Variants in FAM221A observed in about 807,000 individuals in gnomAD.
FAM221A encodes protein FAM221A.
FAM221A carries 43 observed loss-of-function variants against 37.6 expected under a neutral mutation model. The ratio of observed to expected loss-of-function variants is 1.15; its 90% CI spans 0.90 to 1.48. The LOEUF is 1.48. FAM221A is among the 40% of genes most tolerant of loss of function. The pLI, the probability that FAM221A is intolerant of heterozygous loss-of-function variation, is 0.00. For missense variants in FAM221A, 361 were observed against 361.5 expected, an observed-to-expected ratio of 1.00 and a Z score of 0.01; for synonymous variants, 135 against 132.9, an observed-to-expected ratio of 1.02 and a Z score of -0.11.
chr7:23,685,303 A>AAAACC (rs1250310967), intron 2 of FAM221A, among the ~76,000 whole-genome samples: 2 of 133,938 alleles, frequency 1.5e-5, no homozygotes, highest in Non-Finnish European at 3.3e-5. Context: ...AAAACAAAAC[A>AAAACC]AAACCCCACA....
rs538471783 is a variant in FAM221A at position 23,684,781 on chromosome 7, T to C, written c.239+109T>C. ...AGAAACATTTAACAATTGTCCTTTA[T>C]ATAGTAGAGTAGAAATTATCAGCTG... On this transcript the variant is annotated intron_variant, in intron 2 of 6. Coordinates refer to ENST00000344962, the MANE Select transcript of FAM221A (RefSeq NM_199136.5). The C allele has an allele frequency of 2.0e-5, 21 of 1,029,092 alleles. No homozygotes were observed. The South Asian group carries it at 3.7e-4, about 18-fold the overall frequency. 63.7% of individuals were successfully genotyped at this position (1,029,092 alleles called of 1,614,324 possible). A position where few individuals can be genotyped will look rare whatever the true frequency, so the allele number is the denominator to read the frequency against.
At chr7:23,685,295 A>T (rs895030747) in intron 2 of FAM221A, among the ~76,000 whole-genome samples, 1 of 111,400 alleles carries the variant, frequency 9.0e-6, no homozygotes, top group East Asian at 3.1e-4. Context: ...AACAAAACAA[A>T]ACAAAACAAA....
chr7:23,689,367 A>G lies in FAM221A; in HGVS notation c.338A>G (p.Tyr113Cys), dbSNP rs1390683060. 14 of 1,609,044 alleles carry G rather than the reference A, an allele frequency of 8.7e-6. No individual in the cohort carries two copies. Among genetic ancestry groups the G allele is most frequent in the African/African-American group, 1.3e-5 (1 of 74,966 alleles). The change falls in exon 3 of 7, where the codon TAT (tyrosine) becomes TGT (cysteine). Residue 113 changes from tyrosine to cysteine, a missense_variant. Transcript: ENST00000344962. ...VTGCQCRAYL[Y>C]VPLNGSQPIR... ...GGCTGCCAGTGCAGGGCTTACCTTT[A>G]TGTCCCCTTGAATGGTAGCCAGCCC...
downstream of FAM221A, chr7:23,702,729 C>G (rs1223390107): frequency 6.6e-6 from 1 of 152,032 alleles, no homozygotes; most frequent in South Asian, 2.1e-4. Context: ...GTTGTGTTGT[C>G]AACCACCCAT....
rs140560989 is a variant in FAM221A at position 23,691,489 on chromosome 7, C to T, written c.530C>T (p.Ala177Val). The T allele has an allele frequency of 4.7e-4, 756 of 1,614,186 alleles. No individual in the cohort carries two copies. The Middle Eastern group carries it at 4.8e-3, about 10-fold the overall frequency. The change falls in exon 4 of 7, where the codon GCT (alanine) becomes GTT (valine). Residue 177 changes from alanine (A) to valine (V), a missense_variant. Physicochemically the swap from Ala to Val is moderately conservative, Grantham distance 64. Coordinates refer to ENST00000344962, the MANE Select transcript of FAM221A (RefSeq NM_199136.5). ...GTGGAAACTAAGCAAGAAAGATTGG[C>T]TCAGGAAAAACCAGTGGGACAGGAC... ...TVVETKQERL[A>V]QEKPVGQDIP...
intron 1 of FAM221A, among the ~76,000 whole-genome samples, chr7:23,683,332 C>T (rs1784174193): frequency 6.6e-6 from 1 of 152,170 alleles, no homozygotes; most frequent in Non-Finnish European, 1.5e-5. Flanking sequence ...CCATGATAAA[C>T]TTGATTACCT....
At chr7:23,692,866 G>T in intron 4 of FAM221A, 2 of 517,660 alleles carry the variant, frequency 3.9e-6, no homozygotes, top group Non-Finnish European at 5.0e-6. Context: ...ATAGGGTCTT[G>T]CTATGGTGGT....
chr7:23,686,751 G>A (rs1409288238), intron 2 of FAM221A: 2 of 148,650 alleles, frequency 1.3e-5, no homozygotes, highest in Non-Finnish European at 3.0e-5. Context: ...CCCAAAGCCA[G>A]CTGCTAGTTT....
chr7:23,685,015 C>T (rs1182884111), intron 2 of FAM221A, among the ~76,000 whole-genome samples: 3 of 152,092 alleles, frequency 2.0e-5, no homozygotes, highest in Non-Finnish European at 2.9e-5. Context: ...TTTGGGAGGC[C>T]GAGGTGGGTG....
chr7:23,697,896 C>G lies in FAM221A; in HGVS notation c.638-296C>G, dbSNP rs150325428. Reference sequence around the variant, plus strand: ...CCTTCCAAGTAGGTAGGGCTACAGGCACACACCACCATGTCCAACTAATTT... The same window carrying G: ...CCTTCCAAGTAGGTAGGGCTACAGGGACACACCACCATGTCCAACTAATTT... On this transcript the variant is annotated intron_variant, in intron 4 of 6. Transcript: ENST00000344962. Among the ~76,000 whole-genome samples, 1,046 of 152,132 alleles carry G rather than the reference C, an allele frequency of 6.9e-3. 14 individuals carry two copies. Among genetic ancestry groups the G allele is most frequent in the African/African-American group, 0.024 (981 of 41,504 alleles).
intron 3 of FAM221A, among the ~76,000 whole-genome samples, chr7:23,690,193 A>T (rs1261446337): frequency 2.4e-4 from 11 of 46,540 alleles, no homozygotes; most frequent in East Asian, 2.4e-3. Flanking sequence ...ATATATATAT[A>T]TATATATTTT....
In FAM221A at chr7:23,702,404, G is replaced by C. The variant is rs891225523; in HGVS notation, c.*240G>C. On this transcript the variant is annotated 3_prime_UTR_variant, in exon 7 of 7. Transcript: ENST00000344962. ...CCTGACAAATGAGGTTATTTTATAT[G>C]AGTCTGTCTGAGAGTACAGTAAATG... The C allele has an allele frequency of 4.5e-5, 12 of 269,472 alleles. No individual in the cohort carries two copies. Among genetic ancestry groups the C allele is most frequent in the Admixed American group, 3.7e-4 (7 of 19,010 alleles). 16.7% of individuals were successfully genotyped at this position (269,472 alleles called of 1,614,324 possible).
At chr7:23,701,343 C>T (rs549101456) in intron 6 of FAM221A, among the ~76,000 whole-genome samples, 31 of 151,026 alleles carry the variant, frequency 2.1e-4, no homozygotes, top group African/African-American at 7.3e-4. Context: ...GGGTTCACGC[C>T]ATTCTCCTGC....
chr7:23,700,428 C>A (rs1266092037), intron 5 of FAM221A, among the ~76,000 whole-genome samples: 1 of 152,196 alleles, frequency 6.6e-6, no homozygotes, highest in Non-Finnish European at 1.5e-5. Flanking sequence ...GTTGCCTATA[C>A]CAAGCCTCAA....
intron 1 of FAM221A, among the ~76,000 whole-genome samples, chr7:23,682,506 ACTGTAACCT>A (rs1205727583): frequency 6.7e-6 from 1 of 149,394 alleles, no homozygotes; most frequent in Admixed American, 6.7e-5. Flanking sequence ...ATCTCAGCTC[ACTGTAACCT>A]CTGCCTCCGT....
intron 1 of FAM221A, among the ~76,000 whole-genome samples, chr7:23,682,110 G>T (rs1784075052): frequency 6.6e-6 from 1 of 152,044 alleles, no homozygotes; most frequent in Admixed American, 6.6e-5. Flanking sequence ...CTGTCACCCA[G>T]GCTGGAGTGC....
At chr7:23,692,212 G>C (rs1253340670) in intron 4 of FAM221A, 6 of 972,250 alleles carry the variant, frequency 6.2e-6, no homozygotes, top group African/African-American at 1.8e-5. Flanking sequence ...AGCTGAGCGG[G>C]ACTGGGGAGC....
chr7:23,682,443 T>A (rs867884783), intron 1 of FAM221A, among the ~76,000 whole-genome samples: 80 of 145,904 alleles, frequency 5.5e-4, no homozygotes, highest in African/African-American at 1.4e-3. Context: ...ATTATTATTT[T>A]TTTTTTTAGA....
At chr7:23,701,227 T>G (rs1440590697) in intron 6 of FAM221A, among the ~76,000 whole-genome samples, 1 of 147,446 alleles carries the variant, frequency 6.8e-6, no homozygotes, top group Non-Finnish European at 1.5e-5. Flanking sequence ...ATTGAATATA[T>G]TTTGAATTCT....
Sources: allele counts gnomAD v4.1 joint callset (sites outside exome capture counted in the v4.1 genomes callset), GRCh38; gene constraint gnomAD v4.1.1; transcripts MANE v1.5; gene names NCBI Gene and HGNC (gene_info 2026-07-23, HGNC 2026-07-21).